The following KSR2 variants were observed in gnomAD, a reference collection of about 807,000 sequenced individuals.
The protein encoded by KSR2 is kinase suppressor of ras 2.
Under a neutral mutation model 107.8 loss-of-function variants are expected in KSR2, and 25 were observed. The observed-to-expected ratio is 0.23, with a 90% CI of 0.17 to 0.32. The LOEUF is 0.32. Ranked by LOEUF, KSR2 falls within the 10% of genes least tolerant of loss-of-function variation. KSR2 has a pLI of 1.00. For missense variants in KSR2, 887 were observed against 1,268.9 expected, an observed-to-expected ratio of 0.70 and a Z score of 4.57; for synonymous variants, 480 against 507.0, an observed-to-expected ratio of 0.95 and a Z score of 0.71.
chr12:117,794,257 ATACAC>A (rs1890487394), intron 3 of KSR2, among the ~76,000 whole-genome samples: 3 of 34,030 alleles, frequency 8.8e-5, no homozygotes, highest in Admixed American at 7.4e-4. Flanking sequence ...ACATGCACAC[ATACAC>A]CAACATGCAC....
chr12:117,837,867 C>A (rs1229593374), intron 3 of KSR2, among the ~76,000 whole-genome samples: 2 of 152,222 alleles, frequency 1.3e-5, no homozygotes, highest in Non-Finnish European at 2.9e-5. Context: ...CAACTCAAAG[C>A]AACAGGTTCT....
chr12:117,594,947 C>A (rs1406454984), intron 5 of KSR2, among the ~76,000 whole-genome samples: 1 of 149,858 alleles, frequency 6.7e-6, no homozygotes, highest in Non-Finnish European at 1.5e-5. Context: ...CTCCAAATGT[C>A]AACAGTGCCT....
chr12:117,601,373 G>A (rs1880944782), intron 5 of KSR2, among the ~76,000 whole-genome samples: 1 of 151,788 alleles, frequency 6.6e-6, no homozygotes, highest in Non-Finnish European at 1.5e-5. Flanking sequence ...CTCCAGATGT[G>A]ACTTTATTTG....
chr12:117,503,191 C>T (rs11068519), intron 14 of KSR2, among the ~76,000 whole-genome samples: 1 of 151,956 alleles, frequency 6.6e-6, no homozygotes, highest in African/African-American at 2.4e-5. Flanking sequence ...TTTTGATATT[C>T]TTTACCTATG....
rs1244117617 is a variant in KSR2, at chr12:117,858,110, C to T, written c.321+2181G>A. ...TCTGGGTTTTTTAGACAGACTCTTT[C>T]GGTTTTTAAGTATTGGCTCAAAATA... On this transcript the variant is annotated intron_variant, in intron 2 of 19. Transcript: ENST00000339824. Among the ~76,000 whole-genome samples, 6 of 152,130 alleles carry T rather than the reference C, an allele frequency of 3.9e-5. No individual in the cohort carries two copies. In the East Asian group the frequency reaches 7.7e-4, roughly 20 times the overall value.
intron 1 of KSR2, among the ~76,000 whole-genome samples, chr12:117,960,548 G>A (rs1214126035): frequency 5.3e-5 from 8 of 152,126 alleles, no homozygotes; most frequent in Admixed American, 4.6e-4. Flanking sequence ...CCAGCCATGT[G>A]AGCAGGGCCA....
chr12:117,928,210 C>T (rs1895593924), intron 1 of KSR2, among the ~76,000 whole-genome samples: 1 of 147,610 alleles, frequency 6.8e-6, no homozygotes, highest in African/African-American at 2.5e-5. Context: ...GACAGGGTTT[C>T]CCTCTGTCAC....
At chr12:117,730,634 G>A (rs946024930) in intron 4 of KSR2, among the ~76,000 whole-genome samples, 3 of 152,030 alleles carry the variant, frequency 2.0e-5, no homozygotes, top group East Asian at 1.9e-4. Context: ...TCAGCCTGCC[G>A]AGTGCCTGGG....
chr12:117,693,617 A>C (rs1310490034), intron 4 of KSR2, among the ~76,000 whole-genome samples: 1 of 152,224 alleles, frequency 6.6e-6, no homozygotes, highest in African/African-American at 2.4e-5. Flanking sequence ...CATGGTCCTC[A>C]GCATACAGTA....
chr12:117,810,711 A>G (rs16947964), intron 3 of KSR2, among the ~76,000 whole-genome samples: 1,875 of 152,314 alleles, frequency 0.012, 39 homozygotes, highest in African/African-American at 0.043. Flanking sequence ...GAAATGAAGG[A>G]CAGATGCTGC....
chr12:117,476,342 A>T, intron 17 of KSR2, 122 bp downstream of exon 17: 10 of 1,268,916 alleles, frequency 7.9e-6, no homozygotes, highest in Non-Finnish European at 1.0e-5. Flanking sequence ...CTCACCCAAA[A>T]ATCCAGCCAC....
intron 1 of KSR2, among the ~76,000 whole-genome samples, chr12:117,899,149 G>T (rs777688103): frequency 6.6e-6 from 1 of 151,966 alleles, no homozygotes; most frequent in African/African-American, 2.4e-5. Flanking sequence ...AGCAACTCCC[G>T]CCCCACTTTG....
intron 1 of KSR2, among the ~76,000 whole-genome samples, chr12:117,869,328 C>T (rs142822580): frequency 1.3e-3 from 201 of 152,134 alleles, no homozygotes; most frequent in Middle Eastern, 0.01. Context: ...ACAGAGATCA[C>T]GCCACTGCAC....
intron 3 of KSR2, among the ~76,000 whole-genome samples, chr12:117,775,679 C>T (rs983411592): frequency 2.0e-5 from 3 of 152,034 alleles, no homozygotes; most frequent in Non-Finnish European, 4.4e-5. Flanking sequence ...CCCATGTTTC[C>T]GATGGGGAAA....
chr12:117,629,180 G>A (rs1268109014), intron 5 of KSR2, among the ~76,000 whole-genome samples: 3 of 152,232 alleles, frequency 2.0e-5, no homozygotes, highest in Non-Finnish European at 4.4e-5. Context: ...GACCCGCACT[G>A]CTTTGGCTCA....
chr12:117,762,963 A>G (rs529853696), intron 3 of KSR2, among the ~76,000 whole-genome samples: 2 of 152,218 alleles, frequency 1.3e-5, no homozygotes, highest in African/African-American at 2.4e-5. Context: ...ATATGCATAC[A>G]TGTGCCATGT....
At chr12:117,797,311 A>G (rs1333157218) in intron 3 of KSR2, among the ~76,000 whole-genome samples, 1 of 152,256 alleles carries the variant, frequency 6.6e-6, no homozygotes, top group Non-Finnish European at 1.5e-5. Flanking sequence ...ATAAAAAGGA[A>G]TAAAGTACTG....
At chr12:117,637,674 G>GTTTTTTTT (rs1593077593) in intron 5 of KSR2, among the ~76,000 whole-genome samples, 1 of 37,380 alleles carries the variant, frequency 2.7e-5, no homozygotes, top group Non-Finnish European at 4.6e-5. Context: ...GTCAGTTTTG[G>GTTTTTTTT]GTTTTTTTTT....
At chr12:117,801,548 A>G (rs1301478238) in intron 3 of KSR2, among the ~76,000 whole-genome samples, 1 of 152,136 alleles carries the variant, frequency 6.6e-6, no homozygotes. Flanking sequence ...GGAAACTTAC[A>G]ATCCTAGCAG....
Sources: gnomAD v4.1 joint callset for allele counts (sites outside exome capture counted in the v4.1 genomes callset) on GRCh38, gnomAD v4.1.1 for gene constraint, MANE v1.5 for transcripts, NCBI Gene and HGNC (gene_info 2026-07-23, HGNC 2026-07-21) for gene names.